Variants in ROBO1 observed in about 807,000 individuals in gnomAD.
ROBO1 encodes roundabout guidance receptor 1.
ROBO1 carries 149 observed loss-of-function variants against 195.9 expected under a neutral mutation model. The observed-to-expected ratio is 0.76, with a 90% CI of 0.67 to 0.87. The LOEUF (loss-of-function observed/expected upper bound fraction) is 0.87, where lower values mean the gene tolerates loss of function less well. Ranked by LOEUF, ROBO1 falls within the 40% of genes least tolerant of loss-of-function variation. The pLI is 0.00. For missense variants in ROBO1, 1,933 were observed against 2,068.3 expected (o/e 0.93, Z 1.27); for synonymous variants, 816 against 733.2 (o/e 1.11, Z -1.82).
At chr3:79,545,033 A>AT (rs1371084594) in intron 2 of ROBO1, among the ~76,000 whole-genome samples, 1 of 152,174 alleles carries the variant, frequency 6.6e-6, no homozygotes, top group Non-Finnish European at 1.5e-5. Flanking sequence ...AGAAATTGAT[A>AT]TTTAATATTT....
intron 10 of ROBO1, among the ~76,000 whole-genome samples, chr3:78,684,115 A>G (rs2080996606): frequency 6.6e-6 from 1 of 152,110 alleles, no homozygotes. Context: ...GGACATGTAC[A>G]GGAATAATGA....
chr3:78,963,557 C>G (rs1476894858), intron 3 of ROBO1, among the ~76,000 whole-genome samples: 1 of 110,576 alleles, frequency 9.0e-6, no homozygotes, highest in South Asian at 3.3e-4. Flanking sequence ...CTCGCTCTGT[C>G]GCCCAGGCTG....
chr3:79,047,915 A>C (rs2108354787), intron 3 of ROBO1, among the ~76,000 whole-genome samples: 1 of 152,220 alleles, frequency 6.6e-6, no homozygotes, highest in Non-Finnish European at 1.5e-5. Flanking sequence ...GAGAGTATTT[A>C]TGTCTACTGC....
intron 2 of ROBO1, among the ~76,000 whole-genome samples, chr3:79,270,514 GT>G (rs771543589): frequency 1.4e-3 from 213 of 148,868 alleles, no homozygotes; most frequent in East Asian, 0.011. Flanking sequence ...GCTAAAGGCA[GT>G]TTTTTTTTTC....
chr3:78,690,474 A>G (rs769617699), intron 8 of ROBO1, among the ~76,000 whole-genome samples: 1 of 152,052 alleles, frequency 6.6e-6, no homozygotes, highest in African/African-American at 2.4e-5. Flanking sequence ...TAAAACTGTG[A>G]TTGTAATTGA....
At chr3:79,599,216 A>G (rs1944269118) in intron 1 of ROBO1, among the ~76,000 whole-genome samples, 1 of 152,078 alleles carries the variant, frequency 6.6e-6, no homozygotes, top group Admixed American at 6.6e-5. Flanking sequence ...ATCTTCAAAT[A>G]AAGTACTAGA....
intron 11 of ROBO1, among the ~76,000 whole-genome samples, chr3:78,669,402 C>T (rs1559721871): frequency 6.6e-6 from 1 of 152,164 alleles, no homozygotes; most frequent in African/African-American, 2.4e-5. Context: ...GAACCACCCA[C>T]ACTAGGAGAT....
intron 1 of ROBO1, among the ~76,000 whole-genome samples, chr3:79,663,124 A>G (rs1946379737): frequency 6.6e-6 from 1 of 152,082 alleles, no homozygotes; most frequent in Non-Finnish European, 1.5e-5. Flanking sequence ...TTCATACTAT[A>G]GCTTATCACT....
chr3:79,675,870 T>A (rs1576214951), intron 1 of ROBO1, among the ~76,000 whole-genome samples: 1 of 152,204 alleles, frequency 6.6e-6, no homozygotes, highest in Admixed American at 6.5e-5. Flanking sequence ...GTTCAGAACA[T>A]GCTGTGCCAG....
At chr3:79,527,418 A>G (rs1393120709) in intron 2 of ROBO1, among the ~76,000 whole-genome samples, 1 of 152,172 alleles carries the variant, frequency 6.6e-6, no homozygotes, top group African/African-American at 2.4e-5. Flanking sequence ...TCCTTTAAAA[A>G]TCCTGCACAT....
intron 24 of ROBO1, 37 bp from the exon 25 acceptor site, chr3:78,631,342 G>T: frequency 1.3e-6 from 2 of 1,578,200 alleles, no homozygotes; most frequent in Non-Finnish European, 1.7e-6. Flanking sequence ...TTGATCTCTG[G>T]CCTTTAAACT....
intron 2 of ROBO1, among the ~76,000 whole-genome samples, chr3:79,291,598 G>A (rs935382567): frequency 9.9e-5 from 15 of 152,104 alleles, no homozygotes; most frequent in Admixed American, 5.2e-4. Flanking sequence ...CCAGTGGAGC[G>A]TGAGATTTCA....
At chr3:79,359,994 G>T (rs940223958) in intron 2 of ROBO1, among the ~76,000 whole-genome samples, 1 of 151,954 alleles carries the variant, frequency 6.6e-6, no homozygotes, top group African/African-American at 2.4e-5. Context: ...AAAGATAATT[G>T]CAGGCAGAGG....
intron 1 of ROBO1, among the ~76,000 whole-genome samples, chr3:79,609,856 T>C (rs1425996873): frequency 2.0e-5 from 3 of 151,484 alleles, no homozygotes; most frequent in East Asian, 2.0e-4. Flanking sequence ...AAGAAGAAAA[T>C]GAGGAGTTAT....
At chr3:79,441,369 T>G (rs1475157916) in intron 2 of ROBO1, among the ~76,000 whole-genome samples, 1 of 152,166 alleles carries the variant, frequency 6.6e-6, no homozygotes, top group Non-Finnish European at 1.5e-5. Flanking sequence ...GTATTACATA[T>G]GCTTGTCTGT....
intron 4 of ROBO1, among the ~76,000 whole-genome samples, chr3:78,837,739 A>T (rs1328854750): frequency 6.6e-6 from 1 of 152,164 alleles, no homozygotes; most frequent in Admixed American, 6.5e-5. Flanking sequence ...ACCAAAAAAA[A>T]TCCAGTCATT....
chr3:79,332,035 G>GTT (rs1173561763), intron 2 of ROBO1, among the ~76,000 whole-genome samples: 1 of 151,826 alleles, frequency 6.6e-6, no homozygotes, highest in Non-Finnish European at 1.5e-5. Flanking sequence ...CCCAGGTGCT[G>GTT]GGAAGGCTGA....
chr3:78,772,885 A>C (rs2083412560), intron 4 of ROBO1, among the ~76,000 whole-genome samples: 1 of 152,086 alleles, frequency 6.6e-6, no homozygotes. Flanking sequence ...ATATGGGTGA[A>C]CCAGGATTCC....
chr3:79,494,687 G>T (rs1939636691), intron 2 of ROBO1, among the ~76,000 whole-genome samples: 1 of 152,016 alleles, frequency 6.6e-6, no homozygotes, highest in Non-Finnish European at 1.5e-5. Flanking sequence ...AAGCACTTTT[G>T]GCATTAACAT....
Sources: gnomAD v4.1 joint callset for allele counts (sites outside exome capture counted in the v4.1 genomes callset) on GRCh38, gnomAD v4.1.1 for gene constraint, MANE v1.5 for transcripts, NCBI Gene and HGNC (gene_info 2026-07-23, HGNC 2026-07-21) for gene names.